WWOX: variants seen among roughly 807,000 people sequenced by gnomAD.
The protein encoded by WWOX is WW domain-containing oxidoreductase.
A neutral mutation model predicts 46.2 loss-of-function variants in WWOX; 69 were observed. The observed-to-expected ratio is 1.49, with a 90% confidence interval of 1.23 to 1.82. WWOX has a LOEUF of 1.82. Ranked by LOEUF, WWOX falls within the 40% of genes most tolerant of loss-of-function variation. The probability of loss-of-function intolerance (pLI) is 0.00; values close to 1 mark genes in which losing one functional copy is unlikely to be tolerated. For missense variants in WWOX, 919 were observed against 542.6 expected (o/e 1.69, Z -6.89); for synonymous variants, 359 against 202.6 (o/e 1.77, Z -6.56).
intron 8 of WWOX, among the ~76,000 whole-genome samples, chr16:78,965,737 A>G (rs1449187172): frequency 6.6e-6 from 1 of 152,136 alleles, no homozygotes; most frequent in Non-Finnish European, 1.5e-5. Flanking sequence ...ACTTGATCCC[A>G]TTTAAGCAGC....
chr16:78,535,301 C>T (rs957011229), intron 8 of WWOX: 3 of 152,224 alleles, frequency 2.0e-5, no homozygotes, highest in Non-Finnish European at 2.9e-5. Context: ...TCTCTGGAAA[C>T]GCCCTCTGTC....
At chr16:79,174,157 G>A (rs964962124) in intron 8 of WWOX, among the ~76,000 whole-genome samples, 3 of 152,174 alleles carry the variant, frequency 2.0e-5, no homozygotes, top group Admixed American at 6.5e-5. Flanking sequence ...TGACGATACC[G>A]GGACACGTAT....
rs148306343 is a variant in WWOX at position 78,746,947 on chromosome 16, A to G, written c.1056+314195A>G. Among the ~76,000 whole-genome samples, 280 of 152,140 alleles carry G rather than the reference A, an allele frequency of 1.8e-3. 1 individual carries two copies. Among genetic ancestry groups the G allele is most frequent in the African/African-American group, 6.2e-3 (257 of 41,514 alleles). On this transcript the variant is annotated intron_variant, in intron 8 of 8. Coordinates refer to ENST00000566780, the MANE Select transcript of WWOX (RefSeq NM_016373.4). ...CTCCCCATCCCTAGTGGCTTCCTAT[A>G]CCATTTAGAATAAAAATACACGCTC... is the stretch of plus-strand genomic sequence containing the variant.
chr16:78,905,269 G>A (rs1285341335), intron 8 of WWOX, among the ~76,000 whole-genome samples: 2 of 152,164 alleles, frequency 1.3e-5, no homozygotes, highest in African/African-American at 2.4e-5. Flanking sequence ...AATTTCAGTT[G>A]TATATTGAGC....
intron 5 of WWOX, among the ~76,000 whole-genome samples, chr16:78,193,268 A>G (rs1307658130): frequency 6.6e-6 from 1 of 152,244 alleles, no homozygotes; most frequent in Non-Finnish European, 1.5e-5. Flanking sequence ...TGAACAAAGA[A>G]TTCACTTGAC....
intron 6 of WWOX, among the ~76,000 whole-genome samples, chr16:78,402,110 T>C (rs977271981): frequency 6.6e-6 from 1 of 152,216 alleles, no homozygotes; most frequent in Non-Finnish European, 1.5e-5. Flanking sequence ...CAAAAAGAAA[T>C]CTCATAACAA....
At chr16:78,533,733 T>C (rs376794661) in intron 8 of WWOX, among the ~76,000 whole-genome samples, 45 of 152,330 alleles carry the variant, frequency 3.0e-4, no homozygotes, top group Middle Eastern at 3.4e-3. Flanking sequence ...AGAAATGTTA[T>C]TCCCTCCAGA....
chr16:79,037,643 C>T (rs141301934), intron 8 of WWOX, among the ~76,000 whole-genome samples: 3 of 152,304 alleles, frequency 2.0e-5, no homozygotes, highest in Non-Finnish European at 2.9e-5. Context: ...CACACCCTCC[C>T]AACCTCCTGC....
At chr16:78,172,730 CT>C (rs1469923106) in intron 5 of WWOX, among the ~76,000 whole-genome samples, 1 of 152,128 alleles carries the variant, frequency 6.6e-6, no homozygotes, top group Non-Finnish European at 1.5e-5. Context: ...AGGTGGCTGG[CT>C]CTGAACCATC....
At chr16:79,087,768 T>G (rs1029778105) in intron 8 of WWOX, among the ~76,000 whole-genome samples, 2 of 152,226 alleles carry the variant, frequency 1.3e-5, no homozygotes, top group African/African-American at 2.4e-5. Context: ...TCTGCTCTTT[T>G]AGTTTAGTAC....
chr16:79,130,444 G>T (rs2049853019), intron 8 of WWOX, among the ~76,000 whole-genome samples: 1 of 152,308 alleles, frequency 6.6e-6, no homozygotes, highest in South Asian at 2.1e-4. Flanking sequence ...GGTAGGGTCA[G>T]TTCTACGTAA....
chr16:78,793,634 A>C (rs961204769), intron 8 of WWOX, among the ~76,000 whole-genome samples: 5 of 152,216 alleles, frequency 3.3e-5, no homozygotes, highest in African/African-American at 1.2e-4. Context: ...CCTACATAGC[A>C]CACAGCAAAA....
chr16:78,620,397 A>C (rs187017320), intron 8 of WWOX, among the ~76,000 whole-genome samples: 1 of 152,138 alleles, frequency 6.6e-6, no homozygotes. Flanking sequence ...CTCGTGTAGA[A>C]GTTTCTGTAT....
chr16:78,192,210 G>A (rs1405302657), intron 5 of WWOX, among the ~76,000 whole-genome samples: 2 of 151,952 alleles, frequency 1.3e-5, no homozygotes, highest in East Asian at 1.9e-4. Flanking sequence ...AAAAGAAAAC[G>A]AAGGCCGGGT....
chr16:78,488,020 A>G (rs1247877101), intron 8 of WWOX, among the ~76,000 whole-genome samples: 1 of 152,158 alleles, frequency 6.6e-6, no homozygotes, highest in Non-Finnish European at 1.5e-5. Context: ...CTTCTAAAAT[A>G]AGTGGAACTG....
intron 8 of WWOX, chr16:78,897,387 A>G (rs762818505): frequency 5.3e-5 from 8 of 151,612 alleles, no homozygotes; most frequent in Non-Finnish European, 8.8e-5. Flanking sequence ...ACTTTGTTTT[A>G]CCTGTTCTAG....
At chr16:78,805,506 A>G (rs2051009915) in intron 8 of WWOX, among the ~76,000 whole-genome samples, 1 of 151,418 alleles carries the variant, frequency 6.6e-6, no homozygotes, top group African/African-American at 2.4e-5. Flanking sequence ...GATGGTCTCG[A>G]TTTCCTGACA....
intron 8 of WWOX, chr16:79,004,596 T>C (rs1215275608): frequency 6.6e-6 from 1 of 152,294 alleles, no homozygotes; most frequent in East Asian, 1.9e-4. Flanking sequence ...TGCAGGTTCC[T>C]GTTCAACCCT....
intron 5 of WWOX, among the ~76,000 whole-genome samples, chr16:78,200,255 A>G (rs892779451): frequency 4.0e-5 from 6 of 151,566 alleles, no homozygotes; most frequent in Non-Finnish European, 8.8e-5. Context: ...CCGACTTCTG[A>G]TTTTCACGTG....
Sources: allele counts gnomAD v4.1 joint callset (sites outside exome capture counted in the v4.1 genomes callset), GRCh38; gene constraint gnomAD v4.1.1; transcripts MANE v1.5; gene names NCBI Gene and HGNC (gene_info 2026-07-23, HGNC 2026-07-21).